EYA3: variants seen among roughly 807,000 people sequenced by gnomAD.
EYA3 encodes the protein EYA transcriptional coactivator and phosphatase 3.
EYA3 carries 39 observed loss-of-function variants against 80.0 expected under a neutral mutation model. The observed-to-expected ratio is 0.49, with a 90% confidence interval of 0.38 to 0.64. EYA3 has a LOEUF of 0.64. Among genes scored for constraint, EYA3 ranks in the 30% least tolerant of loss-of-function variants. The pLI is 0.00. For synonymous variants in EYA3, 206 were observed against 232.8 expected (o/e 0.88, Z 1.05); for missense variants, 523 against 676.1 (o/e 0.77, Z 2.51).
intron 1 of EYA3, among the ~76,000 whole-genome samples, chr1:28,081,009 G>A (rs1017053986): frequency 7.9e-5 from 12 of 151,708 alleles, no homozygotes; most frequent in Non-Finnish European, 1.3e-4. Flanking sequence ...CTCCCGCCTC[G>A]GCCTCCCAAA....
chr1:27,978,886 C>T (rs929498661), intron 16 of EYA3, among the ~76,000 whole-genome samples: 2 of 152,116 alleles, frequency 1.3e-5, no homozygotes, highest in Non-Finnish European at 2.9e-5. Context: ...CGCTTGAACC[C>T]GGGAGGCGGA....
intron 1 of EYA3, among the ~76,000 whole-genome samples, chr1:28,074,602 C>G (rs1645140300): frequency 6.6e-6 from 1 of 151,656 alleles, no homozygotes; most frequent in African/African-American, 2.4e-5. Flanking sequence ...TAAGTGCAAG[C>G]CACCATACCA....
At chr1:27,991,359 C>T (rs538573134) in intron 14 of EYA3, among the ~76,000 whole-genome samples, 1 of 152,240 alleles carries the variant, frequency 6.6e-6, no homozygotes, top group African/African-American at 2.4e-5. Flanking sequence ...ATGACTAATT[C>T]TCCATACTGT....
intron 8 of EYA3, among the ~76,000 whole-genome samples, chr1:28,015,804 A>G (rs1642017774): frequency 6.6e-6 from 1 of 152,212 alleles, no homozygotes; most frequent in African/African-American, 2.4e-5. Flanking sequence ...GAGAAAAATA[A>G]TGGAAGATAT....
chr1:28,053,717 A>G (rs1221399008), intron 2 of EYA3, among the ~76,000 whole-genome samples: 1 of 152,246 alleles, frequency 6.6e-6, no homozygotes, highest in Non-Finnish European at 1.5e-5. Flanking sequence ...AAACAGGAAA[A>G]GAGTGAACTG....
rs140596652 is a variant in EYA3, at chr1:27,982,876, A to G, written c.1541-4402T>C. ...CACCGCGCTTGGCCTATTGTTTTTA[A>G]TATTAATCCTTATGAGTATATGTAA... On this transcript the variant is annotated intron_variant, in intron 16 of 17. Coordinates refer to ENST00000373871, the MANE Select transcript of EYA3 (RefSeq NM_001990.4). 2.0e-3 allele frequency among the ~76,000 whole-genome samples: 300 copies of G among 152,278 alleles called. 2 individuals are homozygous for G. Among genetic ancestry groups the G allele is most frequent in the African/African-American group, 7.0e-3 (291 of 41,566 alleles).
chr1:28,053,716 A>G (rs1162718176), intron 2 of EYA3, among the ~76,000 whole-genome samples: 1 of 152,252 alleles, frequency 6.6e-6, no homozygotes, highest in East Asian at 1.9e-4. Context: ...TAAACAGGAA[A>G]AGAGTGAACT....
At chr1:28,081,791 G>A (rs191134444) in intron 1 of EYA3, among the ~76,000 whole-genome samples, 2 of 152,108 alleles carry the variant, frequency 1.3e-5, no homozygotes, top group Non-Finnish European at 2.9e-5. Context: ...ATGTATTCCC[G>A]TAGTAACGGT....
intron 1 of EYA3, among the ~76,000 whole-genome samples, chr1:28,079,200 T>A (rs1445380349): frequency 6.6e-6 from 1 of 152,170 alleles, no homozygotes; most frequent in Non-Finnish European, 1.5e-5. Flanking sequence ...AATAGTAGAG[T>A]ATGTCTGCTG....
rs143789972 is a variant in EYA3 at position 27,986,008 on chromosome 1, T to A, written c.1540+2527A>T. Reference sequence around the variant, plus strand: ...AAATCCTTGTCCTTGATGTTTATTTTCTTTTTCCTTTAAAAAAAAAAGCTG... The same window carrying A: ...AAATCCTTGTCCTTGATGTTTATTTACTTTTTCCTTTAAAAAAAAAAGCTG... On this transcript the variant is annotated intron_variant, in intron 16 of 17. Coordinates refer to ENST00000373871, the MANE Select transcript of EYA3 (RefSeq NM_001990.4). Among the ~76,000 whole-genome samples the A allele has an allele frequency of 5.2e-3, 786 of 152,204 alleles. 18 individuals carry two copies. Among genetic ancestry groups the A allele is most frequent in the Admixed American group, 0.04 (615 of 15,286 alleles).
At chr1:28,074,665 A>G (rs2148938732) in intron 1 of EYA3, among the ~76,000 whole-genome samples, 1 of 152,208 alleles carries the variant, frequency 6.6e-6, no homozygotes, top group East Asian at 1.9e-4. Flanking sequence ...CCTAATACTA[A>G]AGTCTAACAT....
intron 7 of EYA3, among the ~76,000 whole-genome samples, chr1:28,017,847 T>G (rs1003211999): frequency 3.9e-5 from 6 of 152,154 alleles, no homozygotes; most frequent in African/African-American, 7.2e-5. Flanking sequence ...TCAGAAAATA[T>G]TAAATATTAC....
chr1:27,978,229 CTCTTTT>C (rs1639071630), intron 17 of EYA3, 139 bp downstream of exon 17: 2 of 585,744 alleles, frequency 3.4e-6, no homozygotes, highest in Admixed American at 3.3e-5. Context: ...AAAAAAGACC[CTCTTTT>C]TCTTTAAAGA....
chr1:27,999,700 C>T (rs1256293663), intron 12 of EYA3, among the ~76,000 whole-genome samples: 2 of 152,022 alleles, frequency 1.3e-5, no homozygotes, highest in East Asian at 3.9e-4. Flanking sequence ...TGGCCTTTCC[C>T]CTAGTGCTAG....
intron 7 of EYA3, among the ~76,000 whole-genome samples, chr1:28,019,703 T>C (rs1046999340): frequency 1.3e-5 from 2 of 152,018 alleles, no homozygotes; most frequent in Admixed American, 6.6e-5. Flanking sequence ...CTTCTCCATA[T>C]CCTTTTTTTC....
At chr1:28,085,054 T>C (rs1169263400) in intron 1 of EYA3, among the ~76,000 whole-genome samples, 1 of 152,036 alleles carries the variant, frequency 6.6e-6, no homozygotes, top group Non-Finnish European at 1.5e-5. Flanking sequence ...ACAAAATAAA[T>C]GAAGTCATGA....
intron 11 of EYA3, among the ~76,000 whole-genome samples, chr1:28,003,833 T>G (rs1467332330): frequency 6.6e-6 from 1 of 152,164 alleles, no homozygotes; most frequent in East Asian, 1.9e-4. Flanking sequence ...AAAACTGATA[T>G]GTACACTGAA....
chr1:28,033,654 A>ATTTTT (rs1352116992), intron 6 of EYA3, among the ~76,000 whole-genome samples: 1 of 129,772 alleles, frequency 7.7e-6, no homozygotes, highest in African/African-American at 2.8e-5. Context: ...TATTATTATT[A>ATTTTT]TTATTATTAT....
At position 27,984,275 on chromosome 1, in the gene EYA3, A is replaced by G. The variant is rs901305472; in HGVS notation, c.1540+4260T>C. 2.6e-5 allele frequency among the ~76,000 whole-genome samples: 4 copies of G among 151,846 alleles called. No homozygotes were observed. The South Asian group carries it at 6.3e-4, about 24-fold the overall frequency. ...CGATGGTCCTGAACTCCTGGCCTCA[A>G]GTGATGCCTTGGCCTCCCAAAGTGC... On this transcript the variant is annotated intron_variant, in intron 16 of 17. Coordinates refer to ENST00000373871, the MANE Select transcript of EYA3 (RefSeq NM_001990.4).
Sources: gnomAD v4.1 joint callset for allele counts (sites outside exome capture counted in the v4.1 genomes callset) on GRCh38, gnomAD v4.1.1 for gene constraint, MANE v1.5 for transcripts, NCBI Gene and HGNC (gene_info 2026-07-23, HGNC 2026-07-21) for gene names.